Variants in ZMAT1 observed in about 807,000 individuals in gnomAD.
ZMAT1 encodes zinc finger matrin-type 1.
Under a neutral mutation model 18.5 loss-of-function variants are expected in ZMAT1, and 11 were observed. That is an observed-to-expected ratio of 0.59 (90% CI 0.37 to 0.98). The LOEUF (loss-of-function observed/expected upper bound fraction) is 0.98. Ranked by LOEUF, ZMAT1 falls within the 50% of genes least tolerant of loss-of-function variation. ZMAT1 has a pLI of 0.01. For missense variants in ZMAT1, 525 were observed against 496.2 expected (o/e 1.06, Z -0.55); for synonymous variants, 211 against 176.4 (o/e 1.20, Z -1.55).
chrX:101,926,734 A>G (rs1930080123), intron 1 of ZMAT1, among the ~76,000 whole-genome samples: 2 of 112,366 alleles, frequency 1.8e-5, no homozygotes, highest in South Asian at 3.6e-4. Context: ...ATAACTGGCT[A>G]TATTTAATAA....
intron 1 of ZMAT1, among the ~76,000 whole-genome samples, chrX:101,927,119 A>C (rs2147687051): frequency 8.9e-6 from 1 of 112,285 alleles, no homozygotes; most frequent in South Asian, 3.7e-4. Context: ...TTACACTTTT[A>C]AACTCCCTCA....
intron 1 of ZMAT1, chrX:101,912,040 C>T: frequency 8.7e-7 from 1 of 1,151,305 alleles, no homozygotes; most frequent in East Asian, 3.0e-5. Context: ...ACAGCTCCTC[C>T]CTTACCAAGC....
At chrX:101,918,483 C>CAAAAAAAA (rs1556306713) in intron 1 of ZMAT1, 1 of 98,462 alleles carries the variant, frequency 1.0e-5, no homozygotes, top group African/African-American at 3.7e-5. Flanking sequence ...CACACACACA[C>CAAAAAAAA]AAAAATTAGC....
At chrX:101,894,262 C>T (rs769968933) in intron 4 of ZMAT1, among the ~76,000 whole-genome samples, 1 of 111,400 alleles carries the variant, frequency 9.0e-6, no homozygotes, top group East Asian at 2.8e-4. Flanking sequence ...CAGGTGATGC[C>T]AATGGTGTTG....
In ZMAT1 at chrX:101,931,944, A is replaced by G. The variant is rs1472126495; in HGVS notation, c.65T>C (p.Val22Ala). The change falls in exon 1 of 6, where the codon GTC (valine) becomes GCC (alanine). Residue 22 changes from valine to alanine, a missense_variant. Val to Ala is a moderately conservative substitution (Grantham distance 64, BLOSUM62 0). Transcript: ENST00000651725. ...AAESSPQEAT[V>A]SAASSSSYTA... The stretch of plus-strand genomic sequence containing the variant: ...GTAGGAGGAGGAGGAGGCGGCAGAG[A>G]CGGTAGCTTCCTGAGGGGAAGACTC... 5 of 779,225 alleles carry G rather than the reference A, an allele frequency of 6.4e-6. No individual in the cohort carries two copies. Among genetic ancestry groups the G allele is most frequent in the African/African-American group, 2.3e-5 (1 of 43,591 alleles). 64.2% of individuals were successfully genotyped at this position (779,225 alleles called of 1,213,427 possible). A position where few individuals can be genotyped will look rare whatever the true frequency, so the allele number is the denominator to read the frequency against.
At chrX:101,886,196 C>T (rs186956930) in intron 5 of ZMAT1, among the ~76,000 whole-genome samples, 35 of 111,753 alleles carry the variant, frequency 3.1e-4, no homozygotes, top group African/African-American at 9.7e-4. Flanking sequence ...AAGTTATACA[C>T]TTGGTAGAAA....
intron 4 of ZMAT1, among the ~76,000 whole-genome samples, chrX:101,897,505 TTATA>T (rs1927903750): frequency 1.0e-5 from 1 of 95,241 alleles, no homozygotes; most frequent in African/African-American, 3.9e-5. Flanking sequence ...AAAAAAGACA[TTATA>T]AAAAAAAGAG....
chrX:101,914,880 A>G (rs933748754), intron 1 of ZMAT1, among the ~76,000 whole-genome samples: 6 of 111,650 alleles, frequency 5.4e-5, no homozygotes, highest in African/African-American at 2.0e-4. Flanking sequence ...ACAAAGAGAC[A>G]TCCAAAAAAG....
chrX:101,927,321 T>C (rs1426941615), intron 1 of ZMAT1, among the ~76,000 whole-genome samples: 1 of 111,995 alleles, frequency 8.9e-6, no homozygotes, highest in Non-Finnish European at 1.9e-5. Context: ...GGAATTTTCA[T>C]GAATAATAGC....
At chrX:101,898,672 T>G (rs1369696513) in intron 2 of ZMAT1, among the ~76,000 whole-genome samples, 1 of 111,727 alleles carries the variant, frequency 9.0e-6, no homozygotes, top group Non-Finnish European at 1.9e-5. Flanking sequence ...GATTTTGGAA[T>G]TAAGATACAA....
chrX:101,911,755 C>T lies in ZMAT1; in HGVS notation c.293-7425G>A. 5.0e-6 allele frequency: 6 copies of T among 1,208,812 alleles called. No individual in the cohort carries two copies. In the South Asian group the frequency reaches 1.1e-4, roughly 21 times the overall value. The stretch of plus-strand genomic sequence containing the variant: ...CAGGAGAGAAACCCTATGAATGTAA[C>T]CAGTGTGGCAGAGCCTTCGGCCAGA... On this transcript the variant is annotated intron_variant, in intron 1 of 5. Transcript: ENST00000651725.
At chrX:101,931,690 C>G in intron 1 of ZMAT1, 27 bp downstream of exon 1, 1 of 756,488 alleles carries the variant, frequency 1.3e-6, no homozygotes, top group Non-Finnish European at 1.6e-6. Context: ...GATGGGGCCG[C>G]CCCCGCACCC....
intron 4 of ZMAT1, among the ~76,000 whole-genome samples, chrX:101,893,186 A>G (rs956378390): frequency 9.0e-6 from 1 of 111,532 alleles, no homozygotes; most frequent in East Asian, 2.8e-4. Flanking sequence ...CATCATTCTA[A>G]TAACATTAAA....
At chrX:101,895,702 G>T in intron 4 of ZMAT1, 1 of 168,384 alleles carries the variant, frequency 5.9e-6, no homozygotes, top group Non-Finnish European at 9.5e-6. Flanking sequence ...ATGTTGTTGA[G>T]TCATTACTGG....
intron 5 of ZMAT1, among the ~76,000 whole-genome samples, chrX:101,886,418 T>G (rs1252871628): frequency 2.7e-5 from 3 of 111,363 alleles, no homozygotes; most frequent in Non-Finnish European, 3.8e-5. Context: ...GGGTGCCAGT[T>G]AGCCAGGTTT....
intron 1 of ZMAT1, among the ~76,000 whole-genome samples, chrX:101,923,002 G>A (rs1052471742): frequency 2.7e-5 from 3 of 111,351 alleles, no homozygotes; most frequent in Admixed American, 9.5e-5. Context: ...AGGAACTAAT[G>A]CTTACTGAGA....
In ZMAT1 at chrX:101,883,952, A is replaced by G; in HGVS notation, c.1646T>C (p.Phe549Ser). ...GCTCAAGGGTACTGGTTTTTCTGGGAAACAGTCTCTGGTGAGTTGACAGTA... is the reference window on the plus strand; with the variant it reads ...GCTCAAGGGTACTGGTTTTTCTGGGGAACAGTCTCTGGTGAGTTGACAGTA... ...ISYCQLTRDC[F>S]PEKPVPLSLN... Residue 549 changes from phenylalanine (F) to serine (S), a missense_variant, in exon 6 of 6, where the codon TTC becomes TCC. Transcript: ENST00000651725. The G allele has an allele frequency of 8.3e-7, 1 of 1,210,738 alleles. No homozygotes were observed. The highest frequency in any genetic ancestry group is 1.1e-6 in the Non-Finnish European group (1 of 895,126).
At chrX:101,895,766 C>G in intron 4 of ZMAT1, 1 of 692,628 alleles carries the variant, frequency 1.4e-6, no homozygotes, top group Non-Finnish European at 1.7e-6. Flanking sequence ...TTATTCAAAC[C>G]CAAATCACTG....
chrX:101,897,130 G>A (rs1927870654), intron 4 of ZMAT1, among the ~76,000 whole-genome samples: 1 of 109,664 alleles, frequency 9.1e-6, no homozygotes, highest in South Asian at 4.0e-4. Flanking sequence ...CCAAGGGGAA[G>A]AAGTAAAAAG....
Sources: gnomAD v4.1 joint callset for allele counts (sites outside exome capture counted in the v4.1 genomes callset) on GRCh38, gnomAD v4.1.1 for gene constraint, MANE v1.5 for transcripts, NCBI Gene and HGNC (gene_info 2026-07-23, HGNC 2026-07-21) for gene names.